CCSER1: variants seen among roughly 807,000 people sequenced by gnomAD.
CCSER1 encodes the protein serine-rich coiled-coil domain-containing protein 1.
CCSER1 carries 41 observed loss-of-function variants against 82.0 expected under a neutral mutation model. That is an observed-to-expected ratio of 0.50 (90% CI 0.39 to 0.65). CCSER1 has a LOEUF of 0.65. Among genes scored for constraint, CCSER1 ranks in the 30% least tolerant of loss-of-function variants. CCSER1 has a pLI of 0.00. For missense variants in CCSER1, 1,119 were observed against 1,064.2 expected (o/e 1.05, Z -0.72); for synonymous variants, 414 against 383.9 (o/e 1.08, Z -0.92).
At chr4:90,917,622 C>T (rs564430378) in intron 8 of CCSER1, among the ~76,000 whole-genome samples, 2 of 152,126 alleles carry the variant, frequency 1.3e-5, no homozygotes, top group South Asian at 4.1e-4. Flanking sequence ...TGTAACAAAC[C>T]TGCACTTTGT....
chr4:91,083,246 T>A (rs1722988168), intron 9 of CCSER1, among the ~76,000 whole-genome samples: 1 of 152,056 alleles, frequency 6.6e-6, no homozygotes. Flanking sequence ...AAATGATGAG[T>A]TCATGTCCTT....
At chr4:90,474,227 A>G (rs1161007138) in intron 5 of CCSER1, among the ~76,000 whole-genome samples, 2 of 152,150 alleles carry the variant, frequency 1.3e-5, no homozygotes, top group African/African-American at 4.8e-5. Flanking sequence ...AAGTTGTAAC[A>G]TAGCCAAGGA....
At chr4:90,658,606 G>T (rs1730157401) in intron 6 of CCSER1, among the ~76,000 whole-genome samples, 1 of 152,122 alleles carries the variant, frequency 6.6e-6, no homozygotes. Context: ...TGTTACATTT[G>T]CCTTTGTGGG....
chr4:91,150,760 G>A (rs1730096534), intron 10 of CCSER1, among the ~76,000 whole-genome samples: 1 of 152,160 alleles, frequency 6.6e-6, no homozygotes, highest in African/African-American at 2.4e-5. Context: ...CTGTTTATAT[G>A]ATGGATTACA....
At chr4:90,479,624 G>C (rs1375976592) in intron 5 of CCSER1, among the ~76,000 whole-genome samples, 1 of 152,048 alleles carries the variant, frequency 6.6e-6, no homozygotes, top group East Asian at 1.9e-4. Flanking sequence ...AGAATATGCG[G>C]TGTTTGGTTT....
At chr4:90,333,215 T>A (rs1739659519) in intron 3 of CCSER1, among the ~76,000 whole-genome samples, 1 of 152,150 alleles carries the variant, frequency 6.6e-6, no homozygotes, top group Non-Finnish European at 1.5e-5. Context: ...GTTTACTAGT[T>A]CCTCACCTCT....
At chr4:91,573,567 AT>A (rs1763294759) in intron 10 of CCSER1, among the ~76,000 whole-genome samples, 1 of 152,280 alleles carries the variant, frequency 6.6e-6, no homozygotes, top group Admixed American at 6.5e-5. Flanking sequence ...GATTGCAAAG[AT>A]CCATAGGAGA....
intron 10 of CCSER1, among the ~76,000 whole-genome samples, chr4:91,569,246 C>T (rs1763044533): frequency 6.6e-6 from 1 of 152,120 alleles, no homozygotes; most frequent in African/African-American, 2.4e-5. Flanking sequence ...TGTTCCTTCT[C>T]ATTGCTCTGA....
intron 5 of CCSER1, among the ~76,000 whole-genome samples, chr4:90,619,033 A>G (rs1721814680): frequency 6.6e-6 from 1 of 151,832 alleles, no homozygotes; most frequent in Non-Finnish European, 1.5e-5. Context: ...ATATATTTAT[A>G]AAATGTTGTT....
intron 5 of CCSER1, among the ~76,000 whole-genome samples, chr4:90,578,560 C>T (rs2148619386): frequency 6.6e-6 from 1 of 152,086 alleles, no homozygotes; most frequent in East Asian, 1.9e-4. Context: ...AAAATAGGTT[C>T]AAAGTGATAT....
At chr4:91,395,933 CAGTT>C (rs1369526313) in intron 10 of CCSER1, among the ~76,000 whole-genome samples, 1 of 152,056 alleles carries the variant, frequency 6.6e-6, no homozygotes, top group East Asian at 1.9e-4. Flanking sequence ...TGAATGTAGT[CAGTT>C]ACTTTTGCAC....
At chr4:90,262,103 AT>A (rs1387619859) in intron 1 of CCSER1, among the ~76,000 whole-genome samples, 2 of 151,806 alleles carry the variant, frequency 1.3e-5, no homozygotes, top group African/African-American at 4.8e-5. Flanking sequence ...TATTTCAAAT[AT>A]TTCATCTTGG....
At chr4:91,362,201 A>C (rs184378411) in intron 10 of CCSER1, among the ~76,000 whole-genome samples, 2 of 151,976 alleles carry the variant, frequency 1.3e-5, no homozygotes, top group Admixed American at 1.3e-4. Flanking sequence ...ATTATGGCAA[A>C]GATTGTAGTT....
intron 10 of CCSER1, among the ~76,000 whole-genome samples, chr4:91,359,371 T>A (rs1257440131): frequency 1.3e-5 from 2 of 151,832 alleles, no homozygotes; most frequent in Non-Finnish European, 2.9e-5. Context: ...CTTGTTGTTT[T>A]TCCTTAAAAC....
intron 5 of CCSER1, among the ~76,000 whole-genome samples, chr4:90,544,594 A>G (rs767711312): frequency 1.3e-5 from 2 of 152,064 alleles, no homozygotes; most frequent in Non-Finnish European, 2.9e-5. Flanking sequence ...TTATGTAATC[A>G]TGGTCTACTG....
chr4:91,595,105 G>A (rs559917577), intron 10 of CCSER1, among the ~76,000 whole-genome samples: 1 of 151,532 alleles, frequency 6.6e-6, no homozygotes, highest in African/African-American at 2.4e-5. Context: ...GCCCTTCCCA[G>A]GGCCTGCCAA....
chr4:91,498,405 T>G (rs531566714), intron 10 of CCSER1, among the ~76,000 whole-genome samples: 19 of 151,910 alleles, frequency 1.3e-4, no homozygotes, highest in Non-Finnish European at 2.5e-4. Flanking sequence ...AAATGGTGTG[T>G]AGTTGATAGA....
At chr4:91,419,421 G>A (rs561361178) in intron 10 of CCSER1, among the ~76,000 whole-genome samples, 3 of 152,036 alleles carry the variant, frequency 2.0e-5, no homozygotes, top group South Asian at 4.1e-4. Flanking sequence ...AAGTTACAAT[G>A]AGCCACCTGA....
chr4:91,113,018 CAGA>C (rs1581580234), intron 10 of CCSER1, among the ~76,000 whole-genome samples: 1 of 152,202 alleles, frequency 6.6e-6, no homozygotes, highest in Non-Finnish European at 1.5e-5. Context: ...TCTCATTCAG[CAGA>C]AGAAGTTACC....
Sources: allele counts gnomAD v4.1 joint callset (sites outside exome capture counted in the v4.1 genomes callset), GRCh38; gene constraint gnomAD v4.1.1; transcripts MANE v1.5; gene names NCBI Gene and HGNC (gene_info 2026-07-23, HGNC 2026-07-21).